Variants in PPARGC1B observed in about 807,000 individuals in gnomAD.
PPARGC1B encodes the protein PPARG coactivator 1 beta.
In PPARGC1B, 34 loss-of-function variants were observed where a neutral mutation model predicts 101.6. The observed-to-expected ratio is 0.33, with a 90% CI of 0.25 to 0.45. The LOEUF is 0.45. Among genes scored for constraint, PPARGC1B ranks in the 20% least tolerant of loss-of-function variants. PPARGC1B has a pLI of 1.00. For missense variants in PPARGC1B, 1,234 were observed against 1,317.6 expected (o/e 0.94, Z 0.98); for synonymous variants, 548 against 539.3 (o/e 1.02, Z -0.22).
At position 149,764,533 on chromosome 5, in the gene PPARGC1B, GAC is replaced by G. The variant is rs142354832; in HGVS notation, c.78+34117_78+34118del. ...GGTGTTGGATTGGAAAGACTGCATA[GAC>G]ACAGACATACTGTTTTAGAATTTTA... On this transcript the variant is annotated intron_variant, in intron 1 of 11. Transcript: ENST00000309241. Among the ~76,000 whole-genome samples the G allele has an allele frequency of 6.1e-4, 93 of 152,336 alleles. No homozygotes were observed. The East Asian group carries it at 0.016, about 26-fold the overall frequency.
intron 1 of PPARGC1B, among the ~76,000 whole-genome samples, chr5:149,749,998 A>G (rs1755228504): frequency 6.6e-6 from 1 of 152,118 alleles, no homozygotes; most frequent in South Asian, 2.1e-4. Context: ...TGGTTAATGT[A>G]CTTTCCCTGC....
At position 149,806,956 on chromosome 5, in the gene PPARGC1B, CT is replaced by C. The variant is rs113853384; in HGVS notation, c.79-13466del. On this transcript the variant is annotated intron_variant, in intron 1 of 11. Coordinates refer to ENST00000309241, the MANE Select transcript of PPARGC1B (RefSeq NM_133263.4). ...AAATGTACCTAACATAAAATTTACC[CT>C]TTTTTTTTTTCCTTTTTGAGACAGG... Among the ~76,000 whole-genome samples, 119 of 145,378 alleles carry C rather than the reference CT, an allele frequency of 8.2e-4. 1 individual carries two copies. Among genetic ancestry groups the C allele is most frequent in the South Asian group, 1.5e-3 (7 of 4,534 alleles).
chr5:149,760,155 T>G (rs1026731939), intron 1 of PPARGC1B, among the ~76,000 whole-genome samples: 1 of 152,110 alleles, frequency 6.6e-6, no homozygotes, highest in Middle Eastern at 3.2e-3. Flanking sequence ...CTCAGCACCA[T>G]GGACACGAAT....
At chr5:149,847,132 G>A (rs889024262) in intron 11 of PPARGC1B, 9 of 448,908 alleles carry the variant, frequency 2.0e-5, no homozygotes, top group Non-Finnish European at 3.7e-5. Context: ...ATGTGGCACT[G>A]CAGCAGGTTA....
At chr5:149,749,114 T>C (rs1260221896) in intron 1 of PPARGC1B, among the ~76,000 whole-genome samples, 4 of 152,126 alleles carry the variant, frequency 2.6e-5, no homozygotes, top group Admixed American at 2.6e-4. Context: ...CCTGGCTCAA[T>C]ACAGCAGGAA....
chr5:149,742,450 A>G (rs181816459), intron 1 of PPARGC1B, among the ~76,000 whole-genome samples: 1 of 152,276 alleles, frequency 6.6e-6, no homozygotes, highest in East Asian at 1.9e-4. Context: ...TGGTGAGTTT[A>G]TTTCTGCCCT....
chr5:149,821,790 G>T (rs755885903), intron 2 of PPARGC1B, among the ~76,000 whole-genome samples: 3 of 152,184 alleles, frequency 2.0e-5, no homozygotes, highest in Non-Finnish European at 4.4e-5. Flanking sequence ...AGTCACTTGT[G>T]ATAAGGGCAG....
chr5:149,742,860 G>C (rs1754957825), intron 1 of PPARGC1B, among the ~76,000 whole-genome samples: 1 of 152,174 alleles, frequency 6.6e-6, no homozygotes, highest in African/African-American at 2.4e-5. Context: ...AGAAGGACTG[G>C]AATGGTGTAA....
intron 1 of PPARGC1B, among the ~76,000 whole-genome samples, chr5:149,776,932 C>G (rs1021089700): frequency 6.6e-6 from 1 of 152,238 alleles, no homozygotes; most frequent in African/African-American, 2.4e-5. Flanking sequence ...TTGCTCTTGC[C>G]CAGTTCCTGG....
chr5:149,780,858 G>A (rs1274398574), intron 1 of PPARGC1B, among the ~76,000 whole-genome samples: 4 of 152,194 alleles, frequency 2.6e-5, no homozygotes, highest in Non-Finnish European at 5.9e-5. Flanking sequence ...CACGGGAGAG[G>A]CGTGGCACTG....
chr5:149,736,252 A>G (rs1329451183), intron 1 of PPARGC1B, among the ~76,000 whole-genome samples: 1 of 152,224 alleles, frequency 6.6e-6, no homozygotes, highest in Non-Finnish European at 1.5e-5. Context: ...GTGAAATAAT[A>G]CAGTATATCT....
At chr5:149,839,990 C>T (rs1369861287) in intron 8 of PPARGC1B, 51 bp from the exon 9 acceptor site, 10 of 1,580,284 alleles carry the variant, frequency 6.3e-6, no homozygotes, top group Non-Finnish European at 8.7e-6. Context: ...GCCCCCACCC[C>T]CATGGTATCT....
chr5:149,840,816 C>T (rs895460197), intron 9 of PPARGC1B, among the ~76,000 whole-genome samples: 2 of 152,178 alleles, frequency 1.3e-5, no homozygotes, highest in African/African-American at 4.8e-5. Flanking sequence ...CACAAAAAGA[C>T]AAACAGACTC....
chr5:149,730,356 A>T lies in PPARGC1B; in HGVS notation c.14A>T (p.Asp5Val). 6.4e-7 allele frequency: 1 copy of T among 1,566,916 alleles called. No homozygotes were observed. Among genetic ancestry groups the T allele is most frequent in the Non-Finnish European group, 8.6e-7 (1 of 1,159,432 alleles). MAGN[D>V]CGALLDEELS... The stretch of plus-strand genomic sequence containing the variant: ...CGCGGCTGGAAGATGGCGGGGAACG[A>T]CTGCGGCGCGCTGCTGGACGAAGAG... The change falls in exon 1 of 12, where the codon GAC becomes GTC. Residue 5 changes from aspartate (D) to valine (V), a missense_variant. Physicochemically the swap from Asp to Val is radical, Grantham distance 152. Transcript: ENST00000309241. This position sits in a 1 kb window ranked among gnomAD's most constrained non-coding sequence, Gnocchi z 4.0.
At chr5:149,819,475 T>G (rs1329672780) in intron 1 of PPARGC1B, among the ~76,000 whole-genome samples, 20 of 69,652 alleles carry the variant, frequency 2.9e-4, no homozygotes, top group Non-Finnish European at 1.4e-4. Flanking sequence ...TATGGGTGTT[T>G]GTTTGTTTGT....
At position 149,777,249 on chromosome 5, in the gene PPARGC1B, AC is replaced by A. The variant is rs1756399564; in HGVS notation, c.79-43182del. Among the ~76,000 whole-genome samples, 3 of 152,250 alleles carry A rather than the reference AC, an allele frequency of 2.0e-5. No homozygotes were observed. In the South Asian group the frequency reaches 6.2e-4, roughly 32 times the overall value. ...TCTCAATTTTCCCAAACACACATAGACCGACAAAGACCCCTGCTCACCACAC... is the reference window on the plus strand; with the variant it reads ...TCTCAATTTTCCCAAACACACATAGACGACAAAGACCCCTGCTCACCACAC... On this transcript the variant is annotated intron_variant, in intron 1 of 11. Coordinates refer to ENST00000309241, the MANE Select transcript of PPARGC1B (RefSeq NM_133263.4).
intron 1 of PPARGC1B, among the ~76,000 whole-genome samples, chr5:149,736,358 G>A (rs1191555100): frequency 1.3e-5 from 2 of 151,260 alleles, no homozygotes; most frequent in Non-Finnish European, 2.9e-5. Flanking sequence ...TAATTTTCAT[G>A]CATGCAATCT....
rs1581093802 is a variant in PPARGC1B, at chr5:149,820,570, C to A, written c.216C>A (p.Pro72=). The A allele has an allele frequency of 1.9e-6, 3 of 1,613,588 alleles. No homozygotes were observed. Among genetic ancestry groups the A allele is most frequent in the Non-Finnish European group, 2.5e-6 (3 of 1,180,020 alleles). ...QWCPENSETE[P]NQYSPDDSEL... ...GCCCAGAGAACTCAGAGACTGAACCCAACCAGTACAGCCCCGATGACTCCG... is the reference window on the plus strand; with the variant it reads ...GCCCAGAGAACTCAGAGACTGAACCAAACCAGTACAGCCCCGATGACTCCG... Residue 72 remains proline, a synonymous_variant, in exon 2 of 12, where the codon CCC becomes CCA. Transcript: ENST00000309241.
chr5:149,746,509 A>G (rs1179776714), intron 1 of PPARGC1B, among the ~76,000 whole-genome samples: 2 of 152,246 alleles, frequency 1.3e-5, no homozygotes, highest in African/African-American at 4.8e-5. Context: ...GTTAGTGAAT[A>G]CCTGGGTTGC....
Sources: allele counts gnomAD v4.1 joint callset (sites outside exome capture counted in the v4.1 genomes callset), GRCh38; gene constraint gnomAD v4.1.1; non-coding constraint Gnocchi (gnomAD v3.1); transcripts MANE v1.5; gene names NCBI Gene and HGNC (gene_info 2026-07-23, HGNC 2026-07-21).